Variants in STXBP6 observed in about 807,000 individuals in gnomAD.
The protein encoded by STXBP6 is syntaxin-binding protein 6.
A neutral mutation model predicts 26.9 loss-of-function variants in STXBP6; 21 were observed. The observed-to-expected ratio is 0.78, with a 90% CI of 0.55 to 1.12. The LOEUF is 1.12. STXBP6 is among the 50% of genes most tolerant of loss of function. STXBP6 has a pLI of 0.00. For synonymous variants in STXBP6, 97 were observed against 92.6 expected, an observed-to-expected ratio of 1.05 and a Z score of -0.27; for missense variants, 232 against 257.9, an observed-to-expected ratio of 0.90 and a Z score of 0.69.
At chr14:24,885,814 C>T (rs1309670065) in intron 2 of STXBP6, among the ~76,000 whole-genome samples, 5 of 152,220 alleles carry the variant, frequency 3.3e-5, no homozygotes, top group African/African-American at 1.2e-4. Flanking sequence ...ATGACATCCA[C>T]GTGACGTGAT....
chr14:25,050,013 C>T lies in STXBP6; in HGVS notation c.-168G>A. On this transcript the variant is annotated 5_prime_UTR_variant, in exon 1 of 6. Transcript: ENST00000323944. ...CTTAGCCGGCCCGGGTGCTGGCTCG[C>T]CGCCGCTCGCGGCTCCCGCGCCGGC... is the stretch of plus-strand genomic sequence containing the variant. 1 of 392,114 alleles carries T rather than the reference C, an allele frequency of 2.6e-6. No homozygotes were observed. Among genetic ancestry groups the T allele is most frequent in the Non-Finnish European group, 3.5e-6 (1 of 287,916 alleles). The allele number at this position is 392,114 out of a possible 1,614,324, so 24.3% of individuals were successfully genotyped here. A position where few individuals can be genotyped will look rare whatever the true frequency, so the allele number is the denominator to read the frequency against.
chr14:24,914,630 C>A (rs1016518014), intron 2 of STXBP6, among the ~76,000 whole-genome samples: 1 of 152,166 alleles, frequency 6.6e-6, no homozygotes. Flanking sequence ...ACAGGCCTGA[C>A]ACAACTCTGC....
chr14:24,888,169 T>C (rs916243898), intron 2 of STXBP6, among the ~76,000 whole-genome samples: 1 of 152,176 alleles, frequency 6.6e-6, no homozygotes, highest in African/African-American at 2.4e-5. Context: ...CTAAAGTGAC[T>C]AAGGAGATTA....
intron 1 of STXBP6, among the ~76,000 whole-genome samples, chr14:24,975,500 G>A (rs988703973): frequency 1.3e-5 from 2 of 152,130 alleles, no homozygotes; most frequent in Admixed American, 1.3e-4. Context: ...CTGTACCCTT[G>A]ACAAACACTC....
chr14:25,006,166 C>T lies in STXBP6; in HGVS notation c.-32-31316G>A, dbSNP rs529123125. ...GTGAATGAGGTGTTCCTCTTCCTCA[C>T]GCTGAACTAGGGATTCAAGCTGATG... On this transcript the variant is annotated intron_variant, in intron 1 of 5. Coordinates refer to ENST00000323944, the MANE Select transcript of STXBP6 (RefSeq NM_001394410.1). Among the ~76,000 whole-genome samples the T allele has an allele frequency of 2.6e-5, 4 of 152,326 alleles. No homozygotes were observed. In the East Asian group the frequency reaches 5.8e-4, roughly 22 times the overall value.
At chr14:24,976,265 T>A (rs929603923) in intron 1 of STXBP6, among the ~76,000 whole-genome samples, 12 of 152,206 alleles carry the variant, frequency 7.9e-5, no homozygotes, top group Admixed American at 5.9e-4. Flanking sequence ...CCCACACAAC[T>A]GTTTACCTGT....
chr14:24,899,852 A>T (rs2139623666), intron 2 of STXBP6, among the ~76,000 whole-genome samples: 1 of 146,996 alleles, frequency 6.8e-6, no homozygotes, highest in Admixed American at 6.8e-5. Flanking sequence ...TTTGGTAAGA[A>T]TTTGAACCCT....
chr14:24,857,283 A>G, intron 2 of STXBP6, 126 bp from the exon 3 acceptor site: 1 of 1,264,606 alleles, frequency 7.9e-7, no homozygotes, highest in Non-Finnish European at 1.1e-6. Flanking sequence ...CAGAGGGGGA[A>G]AGGAGGGAAT....
At chr14:24,882,464 G>C (rs1195204722) in intron 2 of STXBP6, among the ~76,000 whole-genome samples, 1 of 141,046 alleles carries the variant, frequency 7.1e-6, no homozygotes, top group African/African-American at 2.7e-5. Flanking sequence ...CCTTAACCTT[G>C]AGATGCTTGA....
intron 4 of STXBP6, among the ~76,000 whole-genome samples, chr14:24,846,795 A>C (rs1333911619): frequency 1.3e-5 from 2 of 152,178 alleles, no homozygotes; most frequent in Non-Finnish European, 2.9e-5. Context: ...TTTTTAAATC[A>C]ATGTCCAATT....
At chr14:24,967,671 T>A (rs1380764097) in intron 2 of STXBP6, among the ~76,000 whole-genome samples, 1 of 152,210 alleles carries the variant, frequency 6.6e-6, no homozygotes, top group Non-Finnish European at 1.5e-5. Context: ...TATAGCTGGA[T>A]GTACACACCA....
chr14:24,856,115 T>C lies in STXBP6; in HGVS notation c.286-14A>G. ...CTCTGCCGAATCCTGGAAAAGACAATGAAATAACTACTAATCTCAATCTAT... is the reference window on the plus strand; with the variant it reads ...CTCTGCCGAATCCTGGAAAAGACAACGAAATAACTACTAATCTCAATCTAT... On this transcript the variant is annotated splice_polypyrimidine_tract_variant and intron_variant, in intron 3 of 5. Transcript: ENST00000323944. 6.3e-7 allele frequency: 1 copy of C among 1,582,024 alleles called. No individual in the cohort carries two copies. The highest frequency in any genetic ancestry group is 2.2e-5 in the East Asian group (1 of 44,508).
chr14:25,036,066 A>G (rs1401412750), intron 1 of STXBP6, among the ~76,000 whole-genome samples: 4 of 152,034 alleles, frequency 2.6e-5, no homozygotes, highest in African/African-American at 9.7e-5. Context: ...AAAAATACAA[A>G]AAGTAGCCAG....
intron 2 of STXBP6, among the ~76,000 whole-genome samples, chr14:24,863,041 A>T (rs899921901): frequency 9.9e-5 from 15 of 152,210 alleles, no homozygotes; most frequent in African/African-American, 3.6e-4. Flanking sequence ...AACCTTCTTT[A>T]TTCTGTTGAT....
intron 2 of STXBP6, among the ~76,000 whole-genome samples, chr14:24,885,117 G>A (rs2070527852): frequency 6.6e-6 from 1 of 152,036 alleles, no homozygotes; most frequent in South Asian, 2.1e-4. Context: ...GCCTGCTCTG[G>A]GTAAGATAAA....
chr14:24,899,803 A>AAC lies in STXBP6; in HGVS notation c.155-42647_155-42646insGT, dbSNP rs2071143552. Among the ~76,000 whole-genome samples, 42 of 80,078 alleles carry AAC rather than the reference A, an allele frequency of 5.2e-4. 1 individual carries two copies. The highest frequency in any genetic ancestry group is 1.7e-3 in the South Asian group (3 of 1,800). The allele number at this position is 80,078 out of a possible 152,430, so 52.5% of individuals were successfully genotyped here. ...TTCAAAAAAAAAAAAAAAAAAAGCA[A>AAC]AAAAAAAAAAAAAGAGTAACTTACT... On this transcript the variant is annotated intron_variant, in intron 2 of 5. Coordinates refer to ENST00000323944, the MANE Select transcript of STXBP6 (RefSeq NM_001394410.1).
chr14:25,047,333 A>C (rs1379207627), intron 1 of STXBP6, among the ~76,000 whole-genome samples: 1 of 152,258 alleles, frequency 6.6e-6, no homozygotes, highest in African/African-American at 2.4e-5. Context: ...AAGAGCAATC[A>C]GAATTATTAA....
chr14:24,987,051 T>C (rs769993661), intron 1 of STXBP6, among the ~76,000 whole-genome samples: 2 of 152,176 alleles, frequency 1.3e-5, no homozygotes, highest in African/African-American at 2.4e-5. Context: ...TAACTAGCTG[T>C]GCAGTGTTTG....
At chr14:24,937,114 G>C (rs1217891876) in intron 2 of STXBP6, among the ~76,000 whole-genome samples, 1 of 152,158 alleles carries the variant, frequency 6.6e-6, no homozygotes, top group Non-Finnish European at 1.5e-5. Flanking sequence ...ACAGGGAGGG[G>C]AACATCACAC....
Sources: gnomAD v4.1 joint callset for allele counts (sites outside exome capture counted in the v4.1 genomes callset) on GRCh38, gnomAD v4.1.1 for gene constraint, MANE v1.5 for transcripts, NCBI Gene and HGNC (gene_info 2026-07-23, HGNC 2026-07-21) for gene names.